The following FRMD7 variants were observed in gnomAD, a reference collection of about 807,000 sequenced individuals.
FRMD7 encodes the protein FERM domain-containing protein 7.
FRMD7 carries 14 observed loss-of-function variants against 44.1 expected under a neutral mutation model. That is an observed-to-expected ratio of 0.32 (90% CI 0.21 to 0.50). FRMD7 has a LOEUF of 0.50. Ranked by LOEUF, FRMD7 falls within the 20% of genes least tolerant of loss-of-function variation. FRMD7 has a pLI of 0.99. For missense variants in FRMD7, 501 were observed against 522.3 expected (o/e 0.96, Z 0.40); for synonymous variants, 212 against 187.4 (o/e 1.13, Z -1.07).
chrX:132,127,221 A>G (rs776483373), intron 1 of FRMD7, among the ~76,000 whole-genome samples: 1 of 112,545 alleles, frequency 8.9e-6, no homozygotes, highest in Non-Finnish European at 1.9e-5. Context: ...GTATGCAATC[A>G]TCTTGTAGCT....
At chrX:132,090,730 C>A (rs1337730563) in intron 5 of FRMD7, among the ~76,000 whole-genome samples, 7 of 110,161 alleles carry the variant, frequency 6.4e-5, no homozygotes, top group Admixed American at 3.8e-4. Context: ...CTCAATAGAG[C>A]TGTTTTTTTA....
intron 4 of FRMD7, 91 bp downstream of exon 4, chrX:132,097,175 G>T: frequency 2.8e-6 from 2 of 703,241 alleles, no homozygotes; most frequent in East Asian, 3.2e-5. Context: ...GCCAAGTTTT[G>T]TGAGAATGGC....
At position 132,120,440 on chromosome X, in the gene FRMD7, C is replaced by T. The variant is rs774266490; in HGVS notation, c.57+7348G>A. Among the ~76,000 whole-genome samples, 10 of 112,911 alleles carry T rather than the reference C, an allele frequency of 8.9e-5. No homozygotes were observed. In the South Asian group the frequency reaches 3.6e-3, roughly 41 times the overall value. ...TGAAAGGTGAAGAGGCGGCAAGGCCCCGACTAACTGAAATTTTCCACAGAG... is the reference window on the plus strand; with the variant it reads ...TGAAAGGTGAAGAGGCGGCAAGGCCTCGACTAACTGAAATTTTCCACAGAG... On this transcript the variant is annotated intron_variant, in intron 1 of 11. Transcript: ENST00000298542.
chrX:132,090,482 A>C (rs1376734736), intron 5 of FRMD7, among the ~76,000 whole-genome samples: 1 of 111,791 alleles, frequency 8.9e-6, no homozygotes, highest in Non-Finnish European at 1.9e-5. Context: ...TTATCATTTC[A>C]TTTACATGAA....
At chrX:132,109,150 T>C (rs1416596868) in intron 1 of FRMD7, among the ~76,000 whole-genome samples, 1 of 111,855 alleles carries the variant, frequency 8.9e-6, no homozygotes, top group African/African-American at 3.3e-5. Flanking sequence ...CAGTATCAGC[T>C]GATCATCTCT....
At chrX:132,107,759 C>T (rs186369825) in intron 1 of FRMD7, among the ~76,000 whole-genome samples, 11 of 111,328 alleles carry the variant, frequency 9.9e-5, no homozygotes, top group South Asian at 3.8e-4. Context: ...TGAGGGTTAG[C>T]GCTTCAACAT....
chrX:132,086,044 A>G lies in FRMD7; in HGVS notation c.383-10T>C. 1 of 1,064,833 alleles carries G rather than the reference A, an allele frequency of 9.4e-7. No individual in the cohort carries two copies. The highest frequency in any genetic ancestry group is 1.3e-6 in the Non-Finnish European group (1 of 761,409). The allele number at this position is 1,064,833 out of a possible 1,213,427, so 87.8% of individuals were successfully genotyped here. On this transcript the variant is annotated splice_polypyrimidine_tract_variant and intron_variant, in intron 5 of 11. Coordinates refer to ENST00000298542, the MANE Select transcript of FRMD7 (RefSeq NM_194277.3). ...AAGTCTCCAAGTTCTGCTGCATGAC[A>G]GGAAAAAGACATTTTTCACATTACC...
intron 1 of FRMD7, among the ~76,000 whole-genome samples, chrX:132,111,148 C>A (rs908950727): frequency 9.0e-6 from 1 of 111,363 alleles, no homozygotes; most frequent in African/African-American, 3.3e-5. Flanking sequence ...TCCAGCCTGG[C>A]CAACAAAGCA....
chrX:132,125,156 T>G (rs1170542064), intron 1 of FRMD7, among the ~76,000 whole-genome samples: 3 of 111,478 alleles, frequency 2.7e-5, no homozygotes, highest in Non-Finnish European at 5.7e-5. Context: ...TCTTGTGGAG[T>G]AGTGACAAAA....
At chrX:132,122,306 C>T (rs968759104) in intron 1 of FRMD7, among the ~76,000 whole-genome samples, 2 of 112,216 alleles carry the variant, frequency 1.8e-5, no homozygotes, top group East Asian at 2.8e-4. Flanking sequence ...AAGTGACCCA[C>T]CTGAAGTCTC....
At chrX:132,116,028 G>GA (rs1363481902) in intron 1 of FRMD7, among the ~76,000 whole-genome samples, 2 of 111,151 alleles carry the variant, frequency 1.8e-5, no homozygotes, top group Non-Finnish European at 3.8e-5. Flanking sequence ...GCTGGTCCAG[G>GA]AAAAAAATTA....
At chrX:132,092,729 C>A (rs1290786944) in intron 5 of FRMD7, among the ~76,000 whole-genome samples, 1 of 111,768 alleles carries the variant, frequency 8.9e-6, no homozygotes, top group Non-Finnish European at 1.9e-5. Flanking sequence ...CTGACTGCTG[C>A]CTCAACAGGC....
At chrX:132,099,403 G>T in intron 3 of FRMD7, 65 bp downstream of exon 3, 1 of 903,600 alleles carries the variant, frequency 1.1e-6, no homozygotes, top group Non-Finnish European at 1.6e-6. Context: ...ATTGTGTGAG[G>T]TTGTTGAAAC....
chrX:132,104,198 C>T (rs1928583825), intron 1 of FRMD7, among the ~76,000 whole-genome samples: 1 of 111,968 alleles, frequency 8.9e-6, no homozygotes, highest in African/African-American at 3.2e-5. Context: ...TAGATATATG[C>T]ATAGTAATAA....
intron 9 of FRMD7, among the ~76,000 whole-genome samples, chrX:132,080,659 TA>T (rs1927777925): frequency 9.1e-6 from 1 of 109,667 alleles, no homozygotes; most frequent in South Asian, 4.0e-4. Context: ...ACAAAAATAA[TA>T]AAAATTACCC....
At chrX:132,124,102 G>A (rs1057190087) in intron 1 of FRMD7, among the ~76,000 whole-genome samples, 1 of 111,723 alleles carries the variant, frequency 9.0e-6, no homozygotes, top group African/African-American at 3.2e-5. Flanking sequence ...GTATATTGAA[G>A]AGATTGATAG....
At chrX:132,080,494 A>G (rs965342899) in intron 9 of FRMD7, among the ~76,000 whole-genome samples, 3 of 112,218 alleles carry the variant, frequency 2.7e-5, no homozygotes, top group Non-Finnish European at 5.6e-5. Context: ...AGGGTTACAT[A>G]ACAGCTAAAA....
At chrX:132,114,057 A>G (rs1928843360) in intron 1 of FRMD7, among the ~76,000 whole-genome samples, 1 of 108,426 alleles carries the variant, frequency 9.2e-6, no homozygotes, top group African/African-American at 3.4e-5. Flanking sequence ...TCAATGTTTC[A>G]CCTTCTCCTT....
At chrX:132,093,329 G>A (rs2124239689) in intron 5 of FRMD7, among the ~76,000 whole-genome samples, 1 of 112,391 alleles carries the variant, frequency 8.9e-6, no homozygotes, top group Non-Finnish European at 1.9e-5. Flanking sequence ...CCTATTCTTT[G>A]GAGGCCTCTC....
Sources: gnomAD v4.1 joint callset for allele counts (sites outside exome capture counted in the v4.1 genomes callset) on GRCh38, gnomAD v4.1.1 for gene constraint, MANE v1.5 for transcripts, NCBI Gene and HGNC (gene_info 2026-07-23, HGNC 2026-07-21) for gene names.